Variants in MALT1 observed in about 807,000 individuals in gnomAD.
MALT1 encodes mucosa-associated lymphoid tissue lymphoma translocation protein 1.
MALT1 carries 36 observed loss-of-function variants against 85.5 expected under a neutral mutation model. That is an observed-to-expected ratio of 0.42 (90% CI 0.32 to 0.56). The LOEUF (loss-of-function observed/expected upper bound fraction) is 0.56. Ranked by LOEUF, MALT1 falls within the 20% of genes least tolerant of loss-of-function variation. The pLI, the probability that MALT1 is intolerant of heterozygous loss-of-function variation, is 0.10. For synonymous variants in MALT1, 359 were observed against 361.3 expected (o/e 0.99, Z 0.07); for missense variants, 716 against 981.6 (o/e 0.73, Z 3.62).
chr18:58,692,679 C>T (rs568584489), intron 2 of MALT1, among the ~76,000 whole-genome samples: 7 of 152,206 alleles, frequency 4.6e-5, no homozygotes, highest in Non-Finnish European at 5.9e-5. Context: ...AGTCACATGT[C>T]TCTCACTTTA....
chr18:58,749,358 T>C lies in MALT1; in HGVS notation c.*1516T>C, dbSNP rs1300894998. The C allele has an allele frequency of 4.6e-6, 1 of 217,368 alleles. No individual in the cohort carries two copies. Among genetic ancestry groups the C allele is most frequent in the Non-Finnish European group, 9.2e-6 (1 of 108,126 alleles). The allele number at this position is 217,368 out of a possible 1,614,324, so 13.5% of individuals were successfully genotyped here. On this transcript the variant is annotated 3_prime_UTR_variant, in exon 17 of 17. Transcript: ENST00000649217. ...GAGGTATCAGAAGTGTTAAGTGACATGCCTGAGGCACCCCCCTAACAGGTG... is the reference window on the plus strand; with the variant it reads ...GAGGTATCAGAAGTGTTAAGTGACACGCCTGAGGCACCCCCCTAACAGGTG...
chr18:58,721,217 T>C (rs1388269954), intron 9 of MALT1, among the ~76,000 whole-genome samples: 1 of 152,008 alleles, frequency 6.6e-6, no homozygotes, highest in African/African-American at 2.4e-5. Flanking sequence ...CCATCTCTAC[T>C]AAAAATACAA....
At position 58,748,325 on chromosome 18, in the gene MALT1, C is replaced by G. The variant is rs1007519943; in HGVS notation, c.*483C>G. 5.4e-5 allele frequency: 11 copies of G among 202,434 alleles called. No homozygotes were observed. Among genetic ancestry groups the G allele is most frequent in the Non-Finnish European group, 7.1e-5 (7 of 98,234 alleles). The allele number at this position is 202,434 out of a possible 1,614,324, so 12.5% of individuals were successfully genotyped here. ...CAGTATTTTTTCCACTACACAACTG[C>G]CTTCCTGACAGGTTCTGAGATAAGT... is the stretch of plus-strand genomic sequence containing the variant. On this transcript the variant is annotated 3_prime_UTR_variant, in exon 17 of 17. Coordinates refer to ENST00000649217, the MANE Select transcript of MALT1 (RefSeq NM_006785.4).
chr18:58,723,355 G>C (rs528268846), intron 10 of MALT1, 104 bp downstream of exon 10: 1 of 753,110 alleles, frequency 1.3e-6, no homozygotes, highest in Non-Finnish European at 2.1e-6. Context: ...TAAACATGTT[G>C]TTGAATGGAA....
intron 1 of MALT1, among the ~76,000 whole-genome samples, chr18:58,673,198 T>C (rs2054192153): frequency 1.3e-5 from 2 of 152,358 alleles, no homozygotes; most frequent in South Asian, 4.1e-4. Flanking sequence ...CAAAATGGTA[T>C]TTATTAAGTG....
intron 4 of MALT1, among the ~76,000 whole-genome samples, chr18:58,701,202 G>A (rs1482888144): frequency 6.6e-6 from 1 of 151,994 alleles, no homozygotes; most frequent in Non-Finnish European, 1.5e-5. Context: ...CAGTCTGGTC[G>A]CTGCCACTGA....
At position 58,748,512 on chromosome 18, in the gene MALT1, C is replaced by G. The variant is rs1485041134; in HGVS notation, c.*670C>G. 1 of 185,666 alleles carries G rather than the reference C, an allele frequency of 5.4e-6. No homozygotes were observed. Among genetic ancestry groups the G allele is most frequent in the Non-Finnish European group, 1.1e-5 (1 of 87,522 alleles). 11.5% of individuals were successfully genotyped at this position (185,666 alleles called of 1,614,324 possible). ...GTTTGTATATAAATCTGTTATAGAACAGGCTGAAATTTCTTGTTCATAAGA... is the reference window on the plus strand; with the variant it reads ...GTTTGTATATAAATCTGTTATAGAAGAGGCTGAAATTTCTTGTTCATAAGA... On this transcript the variant is annotated 3_prime_UTR_variant, in exon 17 of 17. Transcript: ENST00000649217.
intron 4 of MALT1, among the ~76,000 whole-genome samples, chr18:58,703,560 G>A (rs1327695298): frequency 6.6e-6 from 1 of 152,088 alleles, no homozygotes; most frequent in Non-Finnish European, 1.5e-5. Context: ...AGGAAAGCAA[G>A]GCATGTCTTA....
chr18:58,733,836 G>T, intron 11 of MALT1: 2 of 1,162,146 alleles, frequency 1.7e-6, no homozygotes, highest in Non-Finnish European at 1.1e-6. Flanking sequence ...CAACTCTCCA[G>T]AATGCCTTTA....
intron 9 of MALT1, among the ~76,000 whole-genome samples, chr18:58,716,226 A>G (rs546743431): frequency 6.6e-6 from 1 of 152,332 alleles, no homozygotes; most frequent in African/African-American, 2.4e-5. Context: ...TGCGTACAAA[A>G]AGAAACATGT....
chr18:58,741,370 ACTTGGTATCTCCT>A (rs1200246683), intron 13 of MALT1: 2 of 152,118 alleles, frequency 1.3e-5, no homozygotes, highest in African/African-American at 4.8e-5. Context: ...CTCCTACAAT[ACTTGGTATCTCCT>A]TTTAACTCCC....
At position 58,748,084 on chromosome 18, in the gene MALT1, G is replaced by T. The variant is rs1350421067; in HGVS notation, c.*242G>T. ...CTATACAAATGAAGTATGGAGGTGT[G>T]TATGTTTATATGTATATAACAAAAT... On this transcript the variant is annotated 3_prime_UTR_variant, in exon 17 of 17. Transcript: ENST00000649217. 4 of 489,488 alleles carry T rather than the reference G, an allele frequency of 8.2e-6. No homozygotes were observed. The highest frequency in any genetic ancestry group is 1.5e-5 in the Non-Finnish European group (4 of 271,294). The allele number at this position is 489,488 out of a possible 1,614,324, so 30.3% of individuals were successfully genotyped here.
chr18:58,701,020 C>T (rs1452956396), intron 4 of MALT1, among the ~76,000 whole-genome samples: 2 of 151,864 alleles, frequency 1.3e-5, no homozygotes, highest in African/African-American at 2.4e-5. Context: ...CTTGAACTCC[C>T]GACCTCAGGT....
rs529798324 is a variant in MALT1 at position 58,708,391 on chromosome 18, G to A, written c.650-987G>A. ...ACTTTCCTAGTCTTAGCACTTTTAA[G>A]TGCTGCATTCTGGGAAACCTTTCTG... On this transcript the variant is annotated intron_variant, in intron 4 of 16. Coordinates refer to ENST00000649217, the MANE Select transcript of MALT1 (RefSeq NM_006785.4). Among the ~76,000 whole-genome samples, 5 of 152,322 alleles carry A rather than the reference G, an allele frequency of 3.3e-5. No individual in the cohort carries two copies. The East Asian group carries it at 9.7e-4, about 29-fold the overall frequency.
At chr18:58,678,907 T>G (rs919068448) in intron 1 of MALT1, among the ~76,000 whole-genome samples, 2 of 152,244 alleles carry the variant, frequency 1.3e-5, no homozygotes, top group Non-Finnish European at 2.9e-5. Flanking sequence ...AATATGGGAC[T>G]GTAATTCAAA....
rs1053478651 is a variant in MALT1, at chr18:58,752,993, G to A, written c.*5151G>A. On this transcript the variant is annotated 3_prime_UTR_variant, in exon 17 of 17. Transcript: ENST00000649217. ...TGGCTCAAAGAGCGTTAACTTGCCT[G>A]TGCTTCTGTTTCCTTATCTGTAAAA... is the stretch of plus-strand genomic sequence containing the variant. 3 of 148,684 alleles carry A rather than the reference G, an allele frequency of 2.0e-5. No homozygotes were observed. The highest frequency in any genetic ancestry group is 1.3e-4 in the Admixed American group (2 of 15,162). 9.2% of individuals were successfully genotyped at this position (148,684 alleles called of 1,614,324 possible).
chr18:58,739,491 T>A (rs2055272363), intron 13 of MALT1, among the ~76,000 whole-genome samples: 1 of 152,186 alleles, frequency 6.6e-6, no homozygotes. Flanking sequence ...TCCAGCATTA[T>A]TCAAGATGTT....
chr18:58,698,578 G>A (rs1403571492), intron 3 of MALT1, among the ~76,000 whole-genome samples: 1 of 152,124 alleles, frequency 6.6e-6, no homozygotes, highest in Non-Finnish European at 1.5e-5. Context: ...GAGAAATCAA[G>A]GATGACCCCT....
intron 11 of MALT1, 196 bp downstream of exon 11, chr18:58,733,770 T>G (rs2055187060): frequency 2.7e-6 from 2 of 744,714 alleles, no homozygotes; most frequent in Non-Finnish European, 4.0e-6. Flanking sequence ...ATATTTGCTA[T>G]AGAACACAAA....
Sources: allele counts gnomAD v4.1 joint callset (sites outside exome capture counted in the v4.1 genomes callset), GRCh38; gene constraint gnomAD v4.1.1; transcripts MANE v1.5; gene names NCBI Gene and HGNC (gene_info 2026-07-23, HGNC 2026-07-21).